Variants in MAGI3 observed in about 807,000 individuals in gnomAD.
MAGI3 encodes membrane associated guanylate kinase, WW and PDZ domain containing 3.
Under a neutral mutation model 121.8 loss-of-function variants are expected in MAGI3, and 43 were observed. That is an observed-to-expected ratio of 0.35 (90% CI 0.28 to 0.46). The LOEUF (loss-of-function observed/expected upper bound fraction) is 0.46. MAGI3 is among the 20% of genes least tolerant of loss of function. MAGI3 has a pLI of 1.00. For missense variants in MAGI3, 1,547 were observed against 1,797.3 expected, an observed-to-expected ratio of 0.86 and a Z score of 2.52; for synonymous variants, 553 against 639.3, an observed-to-expected ratio of 0.86 and a Z score of 2.04.
chr1:113,430,321 A>T (rs1464215075), intron 1 of MAGI3, among the ~76,000 whole-genome samples: 2 of 152,144 alleles, frequency 1.3e-5, no homozygotes, highest in Non-Finnish European at 2.9e-5. Context: ...TTGGCAAATA[A>T]ATGGAAGCAT....
In MAGI3 at chr1:113,619,780, C is replaced by G. The variant is rs1342731814; in HGVS notation, c.1121C>G (p.Ala374Gly). 3 of 1,612,996 alleles carry G rather than the reference C, an allele frequency of 1.9e-6. No homozygotes were observed. Among genetic ancestry groups the G allele is most frequent in the Non-Finnish European group, 2.5e-6 (3 of 1,179,354 alleles). The stretch of plus-strand genomic sequence containing the variant: ...CAGTTTGAAAATCCAGTGGAGGAAG[C>G]CAAAAGGAAAAAGCAGTTAGGACAG... ...KTQFENPVEE[A>G]KRKKQLGQVE... The change falls in exon 8 of 21, where the codon GCC becomes GGC. Residue 374 changes from alanine to glycine, a missense_variant. Coordinates refer to ENST00000307546, the MANE Select transcript of MAGI3 (RefSeq NM_001142782.2).
At chr1:113,575,951 C>A (rs1647603440) in intron 2 of MAGI3, among the ~76,000 whole-genome samples, 1 of 152,190 alleles carries the variant, frequency 6.6e-6, no homozygotes, top group African/African-American at 2.4e-5. Flanking sequence ...GCAGTGAGTT[C>A]CACACAGTCC....
Position 113,653,959 on chromosome 1 carries a change from A to C in MAGI3, c.2570A>C (p.Lys857Thr). The stretch of plus-strand genomic sequence containing the variant: ...CCCTATGATGTTGTCTTGCAACGAA[A>C]AGAAAATGAAGGATTTGGCTTTGTC... ...QEPYDVVLQR[K>T]ENEGFGFVIL... Residue 857 changes from lysine to threonine, a missense_variant, in exon 15 of 21, where the codon AAA becomes ACA. Coordinates refer to ENST00000307546, the MANE Select transcript of MAGI3 (RefSeq NM_001142782.2). The C allele has an allele frequency of 3.7e-6, 6 of 1,613,920 alleles. No individual in the cohort carries two copies. The highest frequency in any genetic ancestry group is 1.3e-5 in the African/African-American group (1 of 75,014).
chr1:113,483,154 T>C (rs1046850205), intron 1 of MAGI3, among the ~76,000 whole-genome samples: 2 of 152,202 alleles, frequency 1.3e-5, no homozygotes, highest in Non-Finnish European at 2.9e-5. Context: ...AATTTGAACA[T>C]GCCTCAACAT....
In MAGI3 at chr1:113,413,358, C is replaced by T. The variant is rs150356239; in HGVS notation, c.316+22009C>T. On this transcript the variant is annotated intron_variant, in intron 1 of 20. Transcript: ENST00000307546. The stretch of plus-strand genomic sequence containing the variant: ...TTTGCTTAGGATTGTCTTGGCAATG[C>T]GGGCTCTTTTTTGGTTCCATATAAA... Among the ~76,000 whole-genome samples the T allele has an allele frequency of 9.3e-3, 1,416 of 152,180 alleles. 14 individuals are homozygous for T. Among genetic ancestry groups the T allele is most frequent in the Middle Eastern group, 0.017 (5 of 294 alleles).
Position 113,643,732 on chromosome 1 carries a change from T to G in MAGI3, c.1967-11T>G, listed in dbSNP as rs1402479478. The G allele has an allele frequency of 1.9e-6, 3 of 1,613,684 alleles. No individual in the cohort carries two copies. In the Admixed American group the frequency reaches 5.0e-5, roughly 27 times the overall value. ...CTCTGGTTTTAAACTTTGGTTCATT[T>G]TTTTTTTAAGGTCCTCCTTCACCAA... On this transcript the variant is annotated splice_polypyrimidine_tract_variant and intron_variant, in intron 10 of 20. Transcript: ENST00000307546.
intron 1 of MAGI3, among the ~76,000 whole-genome samples, chr1:113,443,111 A>T (rs932462210): frequency 3.9e-5 from 6 of 152,172 alleles, no homozygotes; most frequent in Admixed American, 1.3e-4. Context: ...GCCTTGCTCA[A>T]ATTAAAACGA....
intron 1 of MAGI3, among the ~76,000 whole-genome samples, chr1:113,435,248 A>G (rs946496177): frequency 1.3e-5 from 2 of 152,172 alleles, no homozygotes; most frequent in African/African-American, 4.8e-5. Context: ...GTTCGTTTGT[A>G]GTAATAGCCT....
intron 1 of MAGI3, among the ~76,000 whole-genome samples, chr1:113,475,211 G>A (rs989041780): frequency 8.6e-5 from 13 of 151,968 alleles, no homozygotes; most frequent in African/African-American, 3.1e-4. Context: ...CCTCATTTCT[G>A]AACCGAATAC....
intron 1 of MAGI3, among the ~76,000 whole-genome samples, chr1:113,490,616 G>A (rs193272896): frequency 8.5e-4 from 130 of 152,314 alleles, no homozygotes; most frequent in African/African-American, 2.9e-3. Flanking sequence ...TTGGTATGCT[G>A]TCTTCAAGAG....
chr1:113,536,702 C>T (rs1239401311), intron 1 of MAGI3, among the ~76,000 whole-genome samples: 1 of 151,928 alleles, frequency 6.6e-6, no homozygotes, highest in African/African-American at 2.4e-5. Flanking sequence ...ATGACTGTTC[C>T]AGAGAGTACT....
At chr1:113,551,024 T>C (rs1307300879) in intron 2 of MAGI3, among the ~76,000 whole-genome samples, 1 of 151,732 alleles carries the variant, frequency 6.6e-6, no homozygotes, top group Non-Finnish European at 1.5e-5. Context: ...AATTTCTTTT[T>C]TCCCTCCCTC....
intron 1 of MAGI3, among the ~76,000 whole-genome samples, chr1:113,524,926 G>A (rs1196923406): frequency 1.3e-5 from 2 of 152,124 alleles, no homozygotes; most frequent in African/African-American, 4.8e-5. Context: ...CCCAGGGGAG[G>A]AAATTGAATC....
intron 8 of MAGI3, among the ~76,000 whole-genome samples, chr1:113,621,553 A>G (rs1396449844): frequency 6.6e-6 from 1 of 152,174 alleles, no homozygotes; most frequent in African/African-American, 2.4e-5. Flanking sequence ...CCCAAGATGA[A>G]TGAAAATATG....
chr1:113,414,340 T>C (rs948571228), intron 1 of MAGI3, among the ~76,000 whole-genome samples: 1 of 152,136 alleles, frequency 6.6e-6, no homozygotes, highest in South Asian at 2.1e-4. Flanking sequence ...TAAAATTCTC[T>C]TTTTTTGTTG....
At chr1:113,539,059 T>A (rs1163874347) in intron 1 of MAGI3, among the ~76,000 whole-genome samples, 3 of 152,106 alleles carry the variant, frequency 2.0e-5, no homozygotes, top group African/African-American at 7.2e-5. Flanking sequence ...TGCAGAAAAT[T>A]TGAAAAACAA....
At chr1:113,486,245 A>G (rs1353132428) in intron 1 of MAGI3, among the ~76,000 whole-genome samples, 1 of 152,162 alleles carries the variant, frequency 6.6e-6, no homozygotes, top group African/African-American at 2.4e-5. Flanking sequence ...GAGAATTGCA[A>G]TTCCAGTTTG....
At chr1:113,416,128 GACACATATTAATTATGTAATTAATGAC>G in intron 1 of MAGI3, among the ~76,000 whole-genome samples, 1 of 98,112 alleles carries the variant, frequency 1.0e-5, no homozygotes, top group African/African-American at 3.4e-5. Flanking sequence ...TGTAATTAAT[GACACATATTAATTATGTAATTAATGAC>G]ACATATTATT....
At chr1:113,592,233 G>T (rs888255423) in intron 5 of MAGI3, among the ~76,000 whole-genome samples, 23 of 152,162 alleles carry the variant, frequency 1.5e-4, no homozygotes, top group Non-Finnish European at 3.1e-4. Context: ...GCTAGATAAA[G>T]CTGTTTGGTT....
Sources: gnomAD v4.1 joint callset for allele counts (sites outside exome capture counted in the v4.1 genomes callset) on GRCh38, gnomAD v4.1.1 for gene constraint, MANE v1.5 for transcripts, NCBI Gene and HGNC (gene_info 2026-07-23, HGNC 2026-07-21) for gene names.